The following INVS variants were observed in gnomAD, a reference collection of about 807,000 sequenced individuals.
INVS encodes the protein inversion of embryo turning homolog.
Under a neutral mutation model 108.8 loss-of-function variants are expected in INVS, and 86 were observed. That is an observed-to-expected ratio of 0.79 (90% CI 0.66 to 0.95). The LOEUF is 0.95. INVS is among the 40% of genes least tolerant of loss of function. The pLI, the probability that INVS is intolerant of heterozygous loss-of-function variation, is 0.00. For missense variants in INVS, 1,169 were observed against 1,297.4 expected (o/e 0.90, Z 1.52); for synonymous variants, 455 against 473.5 (o/e 0.96, Z 0.51).
At chr9:100,249,853 C>G (rs541578161) in intron 8 of INVS, among the ~76,000 whole-genome samples, 84 of 151,730 alleles carry the variant, frequency 5.5e-4, no homozygotes, top group African/African-American at 2.0e-3. Flanking sequence ...GCCTGTAATC[C>G]CAGCACTTTG....
At position 100,297,089 on chromosome 9, in the gene INVS, T is replaced by C. The variant is rs779291688; in HGVS notation, c.2959T>C (p.Ser987Pro). Residue 987 changes from serine to proline, a missense_variant, in exon 15 of 17, where the codon TCC becomes CCC. Physicochemically the swap from Ser to Pro is moderately conservative, Grantham distance 74. Around this residue, in one of 3 missense-constraint regions of INVS, gnomAD observed 533 missense variants for 536.0 expected, o/e 0.99. Coordinates refer to ENST00000262457, the MANE Select transcript of INVS (RefSeq NM_014425.5). ...TAVSKAPKSP[S>P]KGTSGTKSTK... ...AGTAAGCAAGGCCCCCAAGAGTCCATCCAAGGGCACCTCAGGCACAAAGTC... is the reference window on the plus strand; with the variant it reads ...AGTAAGCAAGGCCCCCAAGAGTCCACCCAAGGGCACCTCAGGCACAAAGTC... 1.2e-5 allele frequency: 20 copies of C among 1,613,974 alleles called. No individual in the cohort carries two copies. Among genetic ancestry groups the C allele is most frequent in the Non-Finnish European group, 1.6e-5 (19 of 1,179,964 alleles).
chr9:100,259,546 G>A (rs564931286), intron 10 of INVS, among the ~76,000 whole-genome samples: 1 of 146,832 alleles, frequency 6.8e-6, no homozygotes. Flanking sequence ...TGGCCATCTT[G>A]GAACTGGGGC....
At chr9:100,274,307 C>T (rs1449757505) in intron 12 of INVS, among the ~76,000 whole-genome samples, 1 of 151,656 alleles carries the variant, frequency 6.6e-6, no homozygotes, top group Non-Finnish European at 1.5e-5. Context: ...GCAGTGAGCC[C>T]AGATGGCACC....
chr9:100,229,899 A>G, intron 5 of INVS, 72 bp downstream of exon 5: 1 of 1,411,952 alleles, frequency 7.1e-7, no homozygotes, highest in Non-Finnish European at 9.9e-7. Context: ...AATATATACA[A>G]AAGTGTATAT....
chr9:100,240,525 G>A (rs925538908), intron 6 of INVS, among the ~76,000 whole-genome samples: 2 of 152,130 alleles, frequency 1.3e-5, no homozygotes, highest in South Asian at 2.1e-4. Context: ...CACATTCAGC[G>A]CCTATATTTT....
intron 3 of INVS, among the ~76,000 whole-genome samples, chr9:100,134,223 G>A (rs1037117288): frequency 1.3e-5 from 2 of 152,092 alleles, no homozygotes; most frequent in Non-Finnish European, 2.9e-5. Flanking sequence ...ACTTTACTTA[G>A]AATAATAGTC....
At chr9:100,137,560 C>CACTAGAT (rs143686796) in intron 3 of INVS, among the ~76,000 whole-genome samples, 31,722 of 151,852 alleles carry the variant, frequency 0.21, 5,596 homozygotes, top group African/African-American at 0.49. Context: ...ATTTGGTACT[C>CACTAGAT]TGTGACCTTG....
At chr9:100,288,544 AT>A (rs1463725263) in intron 13 of INVS, among the ~76,000 whole-genome samples, 7 of 152,020 alleles carry the variant, frequency 4.6e-5, no homozygotes, top group African/African-American at 1.7e-4. Context: ...ATTCTTAGAA[AT>A]TTTTTTGTCG....
intron 2 of INVS, among the ~76,000 whole-genome samples, chr9:100,110,035 A>G (rs761321126): frequency 5.9e-5 from 9 of 152,234 alleles, no homozygotes; most frequent in Non-Finnish European, 1.2e-4. Flanking sequence ...ATGACAGAGT[A>G]GAGGTACTAT....
intron 3 of INVS, among the ~76,000 whole-genome samples, chr9:100,186,600 T>A (rs2118124013): frequency 6.6e-6 from 1 of 152,328 alleles, no homozygotes. Context: ...TGGTTTTAAT[T>A]TGCATTTCCT....
At chr9:100,209,367 CCTT>C (rs1225508545) in intron 3 of INVS, among the ~76,000 whole-genome samples, 1 of 152,094 alleles carries the variant, frequency 6.6e-6, no homozygotes, top group East Asian at 1.9e-4. Context: ...AATCCACCCT[CCTT>C]ATTTTTCATG....
At chr9:100,106,034 T>C (rs939659434) in intron 2 of INVS, among the ~76,000 whole-genome samples, 7 of 152,204 alleles carry the variant, frequency 4.6e-5, no homozygotes, top group African/African-American at 1.2e-4. Flanking sequence ...TACCACATTT[T>C]TTCTGTAATG....
intron 3 of INVS, among the ~76,000 whole-genome samples, chr9:100,141,830 A>C (rs1828438103): frequency 6.6e-6 from 1 of 152,224 alleles, no homozygotes; most frequent in Non-Finnish European, 1.5e-5. Flanking sequence ...GAGACGGGCT[A>C]GCGGCTTGTA....
intron 10 of INVS, among the ~76,000 whole-genome samples, chr9:100,263,846 TTATA>T: frequency 6.6e-6 from 1 of 152,214 alleles, no homozygotes; most frequent in East Asian, 1.9e-4. Flanking sequence ...TGTTTTTTAT[TTATA>T]TATATATCAC....
intron 3 of INVS, among the ~76,000 whole-genome samples, chr9:100,199,789 G>A (rs1830486137): frequency 6.6e-6 from 1 of 152,060 alleles, no homozygotes; most frequent in South Asian, 2.1e-4. Flanking sequence ...TGTGCATAGA[G>A]GTAGTTTTCT....
chr9:100,124,546 T>TAA (rs55879793), intron 2 of INVS, among the ~76,000 whole-genome samples: 27,900 of 136,624 alleles, frequency 0.2, 4,676 homozygotes, highest in African/African-American at 0.47. Context: ...AGACCCTCAT[T>TAA]AAAAAAAAAA....
intron 3 of INVS, among the ~76,000 whole-genome samples, chr9:100,156,931 C>CATAT (rs35535555): frequency 8.0e-6 from 1 of 124,616 alleles, no homozygotes; most frequent in African/African-American, 2.8e-5. Context: ...TGTATATATA[C>CATAT]ATATATATAT....
chr9:100,299,113 G>A (rs1283151401), intron 16 of INVS, among the ~76,000 whole-genome samples: 1 of 152,088 alleles, frequency 6.6e-6, no homozygotes, highest in Non-Finnish European at 1.5e-5. Context: ...GACTCAGAAG[G>A]GACAGAGTAA....
intron 2 of INVS, among the ~76,000 whole-genome samples, chr9:100,111,599 G>A (rs1038038963): frequency 6.6e-6 from 1 of 152,194 alleles, no homozygotes; most frequent in Non-Finnish European, 1.5e-5. Flanking sequence ...TATATTAACT[G>A]TTCCTGACAG....
Sources: allele counts gnomAD v4.1 joint callset (sites outside exome capture counted in the v4.1 genomes callset), GRCh38; gene constraint gnomAD v4.1.1; regional missense constraint gnomAD v4.1.1; transcripts MANE v1.5; gene names NCBI Gene and HGNC (gene_info 2026-07-23, HGNC 2026-07-21).